SHQ1: variants seen among roughly 807,000 people sequenced by gnomAD.
The protein encoded by SHQ1 is protein SHQ1 homolog.
Under a neutral mutation model 53.8 loss-of-function variants are expected in SHQ1, and 49 were observed. That is an observed-to-expected ratio of 0.91 (90% CI 0.72 to 1.16). SHQ1 has a LOEUF of 1.16. Ranked by LOEUF, SHQ1 falls within the 50% of genes most tolerant of loss-of-function variation. The pLI is 0.00. For synonymous variants in SHQ1, 243 were observed against 251.0 expected (o/e 0.97, Z 0.30); for missense variants, 738 against 683.1 (o/e 1.08, Z -0.90).
the SHQ1 span, among the ~76,000 whole-genome samples, chr3:72,728,102 G>T: frequency 6.6e-6 from 1 of 152,162 alleles, no homozygotes; most frequent in Non-Finnish European, 1.5e-5. Context: ...CACGGTGAAT[G>T]CTTTGCTTCC....
rs577713475 is a variant in SHQ1, at chr3:72,768,056, A to AAGCAGGGAATGCTGTC, written c.1182-17236_1182-17221dup. Among the ~76,000 whole-genome samples, 284 of 152,276 alleles carry AAGCAGGGAATGCTGTC rather than the reference A, an allele frequency of 1.9e-3. 2 individuals are homozygous for AAGCAGGGAATGCTGTC. The highest frequency in any genetic ancestry group is 6.4e-3 in the African/African-American group (267 of 41,540). ...GCCCTAGAAGGAGCAGTTTACAAAA[A>AAGCAGGGAATGCTGTC]AGCAGGGAATGCTGTCAGCAGGGAG... On this transcript the variant is annotated intron_variant, in intron 10 of 10. Coordinates refer to ENST00000325599, the MANE Select transcript of SHQ1 (RefSeq NM_018130.3).
Position 72,832,363 on chromosome 3 carries a change from A to T in SHQ1, c.599+6T>A. The T allele has an allele frequency of 6.3e-7, 1 of 1,590,920 alleles. No homozygotes were observed. The highest frequency in any genetic ancestry group is 1.1e-5 in the South Asian group (1 of 89,754). ...TTATTTAATCCTCAAAAATCTCATT[A>T]CTCACAGATAATGATCAGGATCAAA... On this transcript the variant is annotated splice_donor_region_variant and intron_variant, in intron 5 of 10. Transcript: ENST00000325599.
intron 9 of SHQ1, among the ~76,000 whole-genome samples, chr3:72,805,488 T>C (rs1706912019): frequency 6.6e-6 from 1 of 152,168 alleles, no homozygotes; most frequent in South Asian, 2.1e-4. Context: ...TTCAGATCCA[T>C]AAAAATAATC....
At chr3:72,785,209 C>T (rs993171519) in intron 10 of SHQ1, among the ~76,000 whole-genome samples, 2 of 152,336 alleles carry the variant, frequency 1.3e-5, no homozygotes, top group Non-Finnish European at 2.9e-5. Flanking sequence ...AAGCCGAATG[C>T]CTCACTTTCT....
At chr3:72,841,437 A>G (rs1708177316) in intron 3 of SHQ1, among the ~76,000 whole-genome samples, 1 of 152,244 alleles carries the variant, frequency 6.6e-6, no homozygotes, top group African/African-American at 2.4e-5. Flanking sequence ...CTCAGCTAGA[A>G]TATGAATAAA....
intron 10 of SHQ1, among the ~76,000 whole-genome samples, chr3:72,788,499 A>AGG (rs562730166): frequency 6.8e-6 from 1 of 148,074 alleles, no homozygotes; most frequent in African/African-American, 2.5e-5. Flanking sequence ...TCCGGGAGGT[A>AGG]GGGGGGGCGC....
chr3:72,736,108 C>T, the SHQ1 span, among the ~76,000 whole-genome samples: 1 of 151,500 alleles, frequency 6.6e-6, no homozygotes, highest in Non-Finnish European at 1.5e-5. Flanking sequence ...GAGACACCTG[C>T]TTATTGCTGA....
chr3:72,766,002 G>T (rs909274462), intron 10 of SHQ1, among the ~76,000 whole-genome samples: 1 of 152,150 alleles, frequency 6.6e-6, no homozygotes, highest in Non-Finnish European at 1.5e-5. Flanking sequence ...TAGTGTGCTA[G>T]ATGATATAAG....
chr3:72,836,527 C>A (rs1189029550), intron 4 of SHQ1, among the ~76,000 whole-genome samples: 1 of 152,100 alleles, frequency 6.6e-6, no homozygotes, highest in Non-Finnish European at 1.5e-5. Flanking sequence ...CCTCTTTCCT[C>A]TTCCCCCTGG....
intron 10 of SHQ1, chr3:72,753,532 G>A (rs1237742919): frequency 5.1e-6 from 5 of 985,284 alleles, no homozygotes; most frequent in East Asian, 2.3e-4. Context: ...AAGCACCACT[G>A]CAGTGTCCAA....
Position 72,842,351 on chromosome 3 carries a change from C to T in SHQ1, c.260G>A (p.Gly87Glu). The change falls in exon 3 of 11, where the codon GGG becomes GAG. Residue 87 changes from glycine (G) to glutamate (E), a missense_variant. Transcript: ENST00000325599. ...PKETPGQHFE[G>E]LNMLTALLAP... Reference sequence around the variant, plus strand: ...CAGAAGAGCAGTTAACATGTTCAGCCCCTCAAAATGCTGGCCAGGGGTTTC... The same window carrying T: ...CAGAAGAGCAGTTAACATGTTCAGCTCCTCAAAATGCTGGCCAGGGGTTTC... 1 of 1,613,864 alleles carries T rather than the reference C, an allele frequency of 6.2e-7. No homozygotes were observed. Among genetic ancestry groups the T allele is most frequent in the South Asian group, 1.1e-5 (1 of 91,060 alleles).
the SHQ1 span, among the ~76,000 whole-genome samples, chr3:72,742,191 C>T: frequency 3.4e-5 from 5 of 146,160 alleles, no homozygotes; most frequent in Non-Finnish European, 7.5e-5. Context: ...GAGTGAGACC[C>T]TATCTCTTAA....
chr3:72,824,502 G>T lies in SHQ1; in HGVS notation c.649C>A (p.Pro217Thr), dbSNP rs1472566357. The change falls in exon 6 of 11, where the codon CCT (proline) becomes ACT (threonine). Residue 217 changes from proline to threonine, a missense_variant. Physicochemically the swap from Pro to Thr is conservative, Grantham distance 38. Transcript: ENST00000325599. ...TTTGAATATTTGTCAGTCCACCAAG[G>T]ATTATACTTCAAAATCTGTTCAATC... is the stretch of plus-strand genomic sequence containing the variant. ...EAIEQILKYN[P>T]WWTDKYSKMM... 1.9e-6 allele frequency: 3 copies of T among 1,612,420 alleles called. No homozygotes were observed. Among genetic ancestry groups the T allele is most frequent in the Non-Finnish European group, 2.5e-6 (3 of 1,179,418 alleles).
At chr3:72,735,048 C>G in the SHQ1 span, among the ~76,000 whole-genome samples, 1 of 151,596 alleles carries the variant, frequency 6.6e-6, no homozygotes, top group Non-Finnish European at 1.5e-5. Context: ...TGTTGGTGTT[C>G]TAGAACTGTG....
intron 10 of SHQ1, among the ~76,000 whole-genome samples, chr3:72,766,685 G>A (rs1312985431): frequency 6.6e-6 from 1 of 152,188 alleles, no homozygotes; most frequent in East Asian, 1.9e-4. Flanking sequence ...AAACAAGGAG[G>A]AAAGATTTCA....
chr3:72,791,757 G>A (rs567091153), intron 10 of SHQ1, among the ~76,000 whole-genome samples: 1 of 151,358 alleles, frequency 6.6e-6, no homozygotes, highest in Admixed American at 6.6e-5. Context: ...TCACTATGTT[G>A]CCCAGGCTGG....
intron 9 of SHQ1, among the ~76,000 whole-genome samples, chr3:72,810,723 C>A (rs901090314): frequency 3.9e-5 from 6 of 152,134 alleles, no homozygotes; most frequent in African/African-American, 1.2e-4. Context: ...ATAATGGCAT[C>A]CCCGTGCCAT....
chr3:72,800,121 T>A (rs1263272070), intron 9 of SHQ1, among the ~76,000 whole-genome samples: 2 of 152,080 alleles, frequency 1.3e-5, no homozygotes, highest in Non-Finnish European at 2.9e-5. Context: ...TTAACGACAA[T>A]TAGGACTTCA....
chr3:72,748,950 G>A (rs187508305), downstream of SHQ1, among the ~76,000 whole-genome samples: 2 of 145,678 alleles, frequency 1.4e-5, no homozygotes, highest in African/African-American at 5.3e-5. Context: ...GTAAGACCCT[G>A]TCTCAAACAC....
Sources: gnomAD v4.1 joint callset for allele counts (sites outside exome capture counted in the v4.1 genomes callset) on GRCh38, gnomAD v4.1.1 for gene constraint, MANE v1.5 for transcripts, NCBI Gene and HGNC (gene_info 2026-07-23, HGNC 2026-07-21) for gene names.